ASAH2: variants seen among roughly 807,000 people sequenced by gnomAD.
ASAH2 encodes N-acylsphingosine amidohydrolase 2, also known as neutral ceramidase.
Under a neutral mutation model 82.9 loss-of-function variants are expected in ASAH2, and 58 were observed. The observed-to-expected ratio is 0.70, with a 90% CI of 0.57 to 0.87. The LOEUF is 0.87. Among genes scored for constraint, ASAH2 ranks in the 40% least tolerant of loss-of-function variants. The pLI is 0.00. For synonymous variants in ASAH2, 276 were observed against 289.7 expected, an observed-to-expected ratio of 0.95 and a Z score of 0.48; for missense variants, 779 against 834.0, an observed-to-expected ratio of 0.93 and a Z score of 0.81.
Position 50,211,027 on chromosome 10 carries a change from T to G in ASAH2, c.1332+3A>C, listed in dbSNP as rs1317526222. The G allele has an allele frequency of 6.2e-7, 1 of 1,612,862 alleles. No individual in the cohort carries two copies. Among genetic ancestry groups the G allele is most frequent in the South Asian group, 1.1e-5 (1 of 91,042 alleles). ...ATAACCAGTGTGTCTCAGCAGCACT[T>G]ACTGCATGTGTGGAATTGAGCCAGA... On this transcript the variant is annotated splice_donor_region_variant and intron_variant, in intron 11 of 20. Transcript: ENST00000682911.
intron 7 of ASAH2, among the ~76,000 whole-genome samples, chr10:50,228,952 T>C (rs1160165407): frequency 6.6e-6 from 1 of 152,114 alleles, no homozygotes; most frequent in East Asian, 1.9e-4. Context: ...GACAAAGCCT[T>C]TTCAGTTGCA....
intron 18 of ASAH2, among the ~76,000 whole-genome samples, chr10:50,196,103 T>G (rs1407218999): frequency 1.3e-5 from 2 of 151,824 alleles, no homozygotes; most frequent in African/African-American, 4.8e-5. Context: ...ATTAGCTCAA[T>G]TGAGCCATTC....
intron 4 of ASAH2, among the ~76,000 whole-genome samples, chr10:50,240,124 G>A (rs905636555): frequency 1.3e-4 from 20 of 152,086 alleles, no homozygotes; most frequent in African/African-American, 4.1e-4. Context: ...CACCACACCC[G>A]GCTGACTCAC....
intron 7 of ASAH2, among the ~76,000 whole-genome samples, chr10:50,219,642 A>G (rs1168656737): frequency 3.3e-5 from 5 of 152,262 alleles, no homozygotes; most frequent in African/African-American, 4.8e-5. Flanking sequence ...TTTTGCTTAC[A>G]TTCCTACCTA....
chr10:50,243,247 A>G lies in ASAH2; in HGVS notation c.465T>C (p.Phe155=). The G allele has an allele frequency of 1.2e-6, 2 of 1,614,144 alleles. No individual in the cohort carries two copies. Among genetic ancestry groups the G allele is most frequent in the Non-Finnish European group, 1.7e-6 (2 of 1,179,990 alleles). Residue 155 remains phenylalanine, a synonymous_variant, in exon 4 of 21, where the codon TTT becomes TTC. Coordinates refer to ENST00000682911, the MANE Select transcript of ASAH2 (RefSeq NM_019893.4). ...AEPDGSNRTV[F]VSIDIGMVSQ... The stretch of plus-strand genomic sequence containing the variant: ...ATACCATGCCTATGTCGATGCTGAC[A>G]AACACTGTTCGATTGGACCCATCAG...
intron 16 of ASAH2, among the ~76,000 whole-genome samples, chr10:50,201,731 C>G (rs1845154803): frequency 2.0e-5 from 3 of 151,996 alleles, no homozygotes; most frequent in African/African-American, 7.2e-5. Flanking sequence ...ATGGAATTGA[C>G]AAAGGAAACC....
At chr10:50,245,481 A>G (rs749098238) in intron 2 of ASAH2, 27 bp from the exon 3 acceptor site, 109 of 1,578,170 alleles carry the variant, frequency 6.9e-5, no homozygotes, top group Non-Finnish European at 9.0e-5. Flanking sequence ...GATTTGAGAA[A>G]CAACATTTCA....
intron 2 of ASAH2, among the ~76,000 whole-genome samples, chr10:50,246,287 G>A (rs1846456416): frequency 6.6e-6 from 1 of 152,092 alleles, no homozygotes; most frequent in South Asian, 2.1e-4. Flanking sequence ...GCTATAAAAT[G>A]GAGATTATAA....
intron 10 of ASAH2, among the ~76,000 whole-genome samples, chr10:50,211,948 C>T (rs1002506106): frequency 4.6e-5 from 7 of 152,168 alleles, no homozygotes; most frequent in East Asian, 3.9e-4. Flanking sequence ...TATGACTCTC[C>T]GGCTCAGAAT....
intron 7 of ASAH2, among the ~76,000 whole-genome samples, chr10:50,229,236 C>G (rs948604937): frequency 3.3e-5 from 5 of 152,082 alleles, no homozygotes; most frequent in Admixed American, 3.3e-4. Flanking sequence ...CTTACAGAGT[C>G]TCCCAAAGTG....
chr10:50,237,996 T>C (rs1203713128), intron 4 of ASAH2, among the ~76,000 whole-genome samples: 1 of 152,130 alleles, frequency 6.6e-6, no homozygotes, highest in Admixed American at 6.6e-5. Flanking sequence ...AAGCAATTGT[T>C]AGCAATGTTT....
chr10:50,248,457 G>T (rs1173171622), intron 2 of ASAH2, 27 bp downstream of exon 2: 1 of 1,607,312 alleles, frequency 6.2e-7, no homozygotes, highest in South Asian at 1.1e-5. Flanking sequence ...CCTAAAAATT[G>T]CATCTAAGAG....
intron 12 of ASAH2, among the ~76,000 whole-genome samples, chr10:50,208,163 A>G (rs1025350138): frequency 3.9e-5 from 6 of 152,112 alleles, no homozygotes; most frequent in African/African-American, 1.4e-4. Context: ...AATTTCCTCA[A>G]CCTGATGAAG....
At chr10:50,220,024 G>T (rs1283603995) in intron 7 of ASAH2, among the ~76,000 whole-genome samples, 1 of 152,122 alleles carries the variant, frequency 6.6e-6, no homozygotes, top group Non-Finnish European at 1.5e-5. Flanking sequence ...GAAGTAAATG[G>T]CATGGAAACA....
intron 12 of ASAH2, among the ~76,000 whole-genome samples, chr10:50,209,361 T>A (rs1007309885): frequency 7.3e-5 from 11 of 151,724 alleles, no homozygotes; most frequent in Admixed American, 1.3e-4. Flanking sequence ...AGAAAAAAAA[T>A]TTTTTTTGAG....
At chr10:50,217,065 C>T (rs1484295652) in intron 8 of ASAH2, among the ~76,000 whole-genome samples, 2 of 152,080 alleles carry the variant, frequency 1.3e-5, no homozygotes, top group South Asian at 2.1e-4. Flanking sequence ...TAGAATAATG[C>T]CCTCCCACAG....
At chr10:50,243,503 A>G in intron 3 of ASAH2, 152 bp from the exon 4 acceptor site, 1 of 815,882 alleles carries the variant, frequency 1.2e-6, no homozygotes, top group South Asian at 2.8e-5. Context: ...TGTTTCAAAA[A>G]TTAAAAAGAA....
rs1029732281 is a variant in ASAH2 at position 50,214,058 on chromosome 10, A to G, written c.1140+685T>C. Among the ~76,000 whole-genome samples the G allele has an allele frequency of 7.5e-3, 1,149 of 152,304 alleles. 9 individuals carry two copies. The highest frequency in any genetic ancestry group is 0.026 in the African/African-American group (1,091 of 41,570). ...TAGCCTAACTTGCTGTCTTTAAAACATATCACACAGATCTGGATATACTCA... is the reference window on the plus strand; with the variant it reads ...TAGCCTAACTTGCTGTCTTTAAAACGTATCACACAGATCTGGATATACTCA... On this transcript the variant is annotated intron_variant, in intron 9 of 20. Transcript: ENST00000682911.
chr10:50,206,629 G>A (rs1373085929), intron 12 of ASAH2, among the ~76,000 whole-genome samples: 1 of 150,248 alleles, frequency 6.7e-6, no homozygotes, highest in Non-Finnish European at 1.5e-5. Context: ...GGGGTAAAAG[G>A]TTTTGTAACT....
Sources: gnomAD v4.1 joint callset for allele counts (sites outside exome capture counted in the v4.1 genomes callset) on GRCh38, gnomAD v4.1.1 for gene constraint, MANE v1.5 for transcripts, NCBI Gene and HGNC (gene_info 2026-07-23, HGNC 2026-07-21) for gene names.